The following LDB2 variants were observed in gnomAD, a reference collection of about 807,000 sequenced individuals.
LDB2 encodes the protein LIM domain-binding protein 2.
LDB2 carries 12 observed loss-of-function variants against 44.3 expected under a neutral mutation model. The observed-to-expected ratio is 0.27, with a 90% confidence interval of 0.17 to 0.44. The LOEUF is 0.44. Ranked by LOEUF, LDB2 falls within the 20% of genes least tolerant of loss-of-function variation. LDB2 has a pLI of 1.00. For missense variants in LDB2, 344 were observed against 473.5 expected (o/e 0.73, Z 2.54); for synonymous variants, 164 against 174.8 (o/e 0.94, Z 0.49).
intron 1 of LDB2, among the ~76,000 whole-genome samples, chr4:16,828,776 G>A (rs1783526641): frequency 1.3e-5 from 2 of 152,180 alleles, no homozygotes; most frequent in South Asian, 2.1e-4. Context: ...GGAGCCAAAG[G>A]GAATGGAAGA....
chr4:16,516,993 C>T (rs1312299251), intron 5 of LDB2, among the ~76,000 whole-genome samples: 1 of 152,162 alleles, frequency 6.6e-6, no homozygotes, highest in Non-Finnish European at 1.5e-5. Flanking sequence ...GGTGGCAGAA[C>T]TAACTCAGAT....
At chr4:16,654,647 C>T (rs1739261530) in intron 2 of LDB2, among the ~76,000 whole-genome samples, 1 of 152,154 alleles carries the variant, frequency 6.6e-6, no homozygotes, top group Admixed American at 6.5e-5. Flanking sequence ...TGATATCTGT[C>T]CCTTGCTATC....
At chr4:16,625,589 C>T (rs915926179) in intron 2 of LDB2, among the ~76,000 whole-genome samples, 10 of 152,144 alleles carry the variant, frequency 6.6e-5, no homozygotes, top group Non-Finnish European at 4.4e-5. Flanking sequence ...AGTACTCTTC[C>T]TTGAATATAT....
Position 16,828,516 on chromosome 4 carries a change from A to G in LDB2, c.133-69256T>C, listed in dbSNP as rs149768279. Among the ~76,000 whole-genome samples, 21 of 152,304 alleles carry G rather than the reference A, an allele frequency of 1.4e-4. No individual in the cohort carries two copies. The East Asian group carries it at 4.1e-3, about 29-fold the overall frequency. The stretch of plus-strand genomic sequence containing the variant: ...GTGATTGTGTGTCTGTGTTGGAGGT[A>G]CACAGTCCATGAGCACAGTTTCATC... On this transcript the variant is annotated intron_variant, in intron 1 of 7. Transcript: ENST00000304523.
chr4:16,546,372 T>C (rs1038963053), intron 5 of LDB2, among the ~76,000 whole-genome samples: 1 of 152,156 alleles, frequency 6.6e-6, no homozygotes, highest in African/African-American at 2.4e-5. Flanking sequence ...TTAAAGGAAA[T>C]GGAAAGTCAA....
At chr4:16,526,536 C>G (rs1728295898) in intron 5 of LDB2, among the ~76,000 whole-genome samples, 1 of 152,212 alleles carries the variant, frequency 6.6e-6, no homozygotes, top group South Asian at 2.1e-4. Flanking sequence ...TGAATTCTCT[C>G]TCATCTATCT....
intron 1 of LDB2, among the ~76,000 whole-genome samples, chr4:16,857,658 C>T (rs909790418): frequency 6.6e-6 from 1 of 152,184 alleles, no homozygotes; most frequent in East Asian, 1.9e-4. Flanking sequence ...TGCTGCATGG[C>T]CTTGGCAGTG....
At chr4:16,782,630 G>A (rs1238449565) in intron 1 of LDB2, among the ~76,000 whole-genome samples, 5 of 152,172 alleles carry the variant, frequency 3.3e-5, no homozygotes, top group Admixed American at 6.5e-5. Context: ...CATTACAGGC[G>A]TGAGCCACCA....
At chr4:16,859,223 G>A (rs541099199) in intron 1 of LDB2, among the ~76,000 whole-genome samples, 2 of 152,146 alleles carry the variant, frequency 1.3e-5, no homozygotes, top group South Asian at 2.1e-4. Flanking sequence ...CTCTGACTAC[G>A]TTCCAAAAAA....
chr4:16,603,921 C>T (rs189045883), intron 2 of LDB2, among the ~76,000 whole-genome samples: 119 of 152,234 alleles, frequency 7.8e-4, no homozygotes, highest in Non-Finnish European at 1.1e-3. Context: ...TGGGCTAGAG[C>T]GCAGTAATGC....
At chr4:16,837,760 C>T (rs1480792803) in intron 1 of LDB2, among the ~76,000 whole-genome samples, 2 of 152,236 alleles carry the variant, frequency 1.3e-5, no homozygotes, top group East Asian at 3.8e-4. Context: ...CTACTCACCT[C>T]AGTGCAGTCA....
At chr4:16,623,604 A>G (rs1343851176) in intron 2 of LDB2, among the ~76,000 whole-genome samples, 2 of 146,084 alleles carry the variant, frequency 1.4e-5, no homozygotes, top group Non-Finnish European at 3.0e-5. Context: ...CTCAAAAATA[A>G]ATAAATAAAT....
At chr4:16,664,322 G>A (rs1187532582) in intron 2 of LDB2, among the ~76,000 whole-genome samples, 3 of 152,148 alleles carry the variant, frequency 2.0e-5, no homozygotes, top group Non-Finnish European at 4.4e-5. Flanking sequence ...CTCGATCTTG[G>A]ACTTCGCAGC....
chr4:16,674,831 A>C (rs1745850071), intron 2 of LDB2, among the ~76,000 whole-genome samples: 1 of 152,006 alleles, frequency 6.6e-6, no homozygotes, highest in Non-Finnish European at 1.5e-5. Context: ...ACACACACAC[A>C]TCCCTCTCTT....
intron 3 of LDB2, 29 bp from the exon 4 acceptor site, chr4:16,588,861 A>G: frequency 6.2e-7 from 1 of 1,607,370 alleles, no homozygotes. Context: ...ACAGTCATTC[A>G]TTACGCACTT....
intron 5 of LDB2, among the ~76,000 whole-genome samples, chr4:16,574,145 C>G (rs1226865499): frequency 1.3e-5 from 2 of 152,150 alleles, no homozygotes; most frequent in African/African-American, 4.8e-5. Flanking sequence ...ATAACAATAA[C>G]AACAACGAAA....
chr4:16,702,981 G>A (rs1308095229), intron 2 of LDB2, among the ~76,000 whole-genome samples: 1 of 152,150 alleles, frequency 6.6e-6, no homozygotes, highest in Non-Finnish European at 1.5e-5. Flanking sequence ...GATCCTCTAG[G>A]AAGCTGTTTC....
intron 3 of LDB2, among the ~76,000 whole-genome samples, chr4:16,593,386 T>G (rs1233970114): frequency 6.6e-6 from 1 of 152,042 alleles, no homozygotes; most frequent in African/African-American, 2.4e-5. Context: ...TTTTATTACA[T>G]GTAAATGAGT....
rs1340239428 is a variant in LDB2 at position 16,668,472 on chromosome 4, T to A, written c.236-72597A>T. Among the ~76,000 whole-genome samples the A allele has an allele frequency of 2.0e-5, 3 of 152,338 alleles. No individual in the cohort carries two copies. The East Asian group carries it at 5.8e-4, about 29-fold the overall frequency. ...TAAGCCTCTTCCCTTCTTTTACATT[T>A]GTCTCCTCTGTGCAGGGACATTTCT... On this transcript the variant is annotated intron_variant, in intron 2 of 7. Coordinates refer to ENST00000304523, the MANE Select transcript of LDB2 (RefSeq NM_001290.5).
Sources: gnomAD v4.1 joint callset for allele counts (sites outside exome capture counted in the v4.1 genomes callset) on GRCh38, gnomAD v4.1.1 for gene constraint, MANE v1.5 for transcripts, NCBI Gene and HGNC (gene_info 2026-07-23, HGNC 2026-07-21) for gene names.